Variants in AOX1 observed in about 807,000 individuals in gnomAD.
AOX1 encodes aldehyde oxidase 1, also known as aldehyde oxidase.
In AOX1, 153 loss-of-function variants were observed where a neutral mutation model predicts 169.5. The ratio of observed to expected loss-of-function variants is 0.90; its 90% CI spans 0.79 to 1.03. The LOEUF is 1.03. Ranked by LOEUF, AOX1 falls within the 50% of genes least tolerant of loss-of-function variation. AOX1 has a pLI of 0.00. For missense variants in AOX1, 1,656 were observed against 1,663.9 expected (o/e 1.00, Z 0.08); for synonymous variants, 562 against 581.9 (o/e 0.97, Z 0.49).
At chr2:200,605,688 C>A in intron 10 of AOX1, 60 bp downstream of exon 10, 1 of 750,508 alleles carries the variant, frequency 1.3e-6, no homozygotes, top group Non-Finnish European at 2.1e-6. Context: ...ATTTACCTTG[C>A]CCAGCAGACA....
chr2:200,638,227 A>T lies in AOX1; in HGVS notation c.2493A>T (p.Ala831=). The change falls in exon 23 of 35, where the codon GCA becomes GCT. Residue 831 remains alanine, a synonymous_variant. Coordinates refer to ENST00000374700, the MANE Select transcript of AOX1 (RefSeq NM_001159.4). ...TAFAANKHGR[A]VRCVLERGED... ...TTTTCTGTTTTAGACATGGCCGTGC[A>T]GTTCGCTGTGTTCTGGAACGAGGAG... is the stretch of plus-strand genomic sequence containing the variant. 1 of 1,613,626 alleles carries T rather than the reference A, an allele frequency of 6.2e-7. No individual in the cohort carries two copies. The highest frequency in any genetic ancestry group is 8.5e-7 in the Non-Finnish European group (1 of 1,179,632).
intron 16 of AOX1, among the ~76,000 whole-genome samples, chr2:200,616,888 G>T (rs2034768694): frequency 6.6e-6 from 1 of 152,190 alleles, no homozygotes; most frequent in Admixed American, 6.5e-5. Context: ...AATGAACATT[G>T]ACGTTGGTGT....
intron 20 of AOX1, among the ~76,000 whole-genome samples, chr2:200,630,677 G>A (rs983248273): frequency 3.3e-5 from 5 of 152,136 alleles, no homozygotes; most frequent in African/African-American, 1.2e-4. Context: ...TCATCCTCTT[G>A]ACTCACAAGT....
At chr2:200,637,818 C>G (rs1382902167) in intron 22 of AOX1, among the ~76,000 whole-genome samples, 7 of 152,094 alleles carry the variant, frequency 4.6e-5, no homozygotes, top group African/African-American at 1.2e-4. Flanking sequence ...TCCCAGGAAG[C>G]AAAAATACCT....
intron 21 of AOX1, 52 bp from the exon 22 acceptor site, chr2:200,636,855 CAATT>C (rs1234729962): frequency 6.4e-6 from 10 of 1,574,418 alleles, no homozygotes; most frequent in Non-Finnish European, 8.6e-6. Context: ...ATGACAGTCA[CAATT>C]AAGTCCTTGC....
intron 32 of AOX1, among the ~76,000 whole-genome samples, chr2:200,667,970 CAAAAG>C (rs1371671417): frequency 6.6e-6 from 1 of 152,112 alleles, no homozygotes; most frequent in Non-Finnish European, 1.5e-5. Flanking sequence ...GGGCAAAAAA[CAAAAG>C]AAGAGGGTGC....
At chr2:200,588,582 T>C (rs1022943566) in intron 1 of AOX1, among the ~76,000 whole-genome samples, 5 of 152,108 alleles carry the variant, frequency 3.3e-5, no homozygotes, top group Non-Finnish European at 5.9e-5. Context: ...TCTGGAGATA[T>C]TGATTCTGTT....
intron 19 of AOX1, among the ~76,000 whole-genome samples, chr2:200,626,203 C>T (rs1171124723): frequency 6.6e-6 from 1 of 152,204 alleles, no homozygotes; most frequent in Non-Finnish European, 1.5e-5. Context: ...CCCAAGGTTA[C>T]ATAGCTAGTC....
At chr2:200,614,586 A>T (rs1447339353) in intron 15 of AOX1, among the ~76,000 whole-genome samples, 1 of 152,208 alleles carries the variant, frequency 6.6e-6, no homozygotes, top group East Asian at 1.9e-4. Flanking sequence ...ACTAAAAAAA[A>T]TTCTCTGAAT....
intron 1 of AOX1, among the ~76,000 whole-genome samples, chr2:200,586,654 A>C (rs1219223884): frequency 6.6e-6 from 1 of 151,894 alleles, no homozygotes; most frequent in African/African-American, 2.4e-5. Flanking sequence ...CATTCAAACC[A>C]CCCCCATCGT....
At chr2:200,659,894 C>G (rs941300755) in intron 28 of AOX1, 101 bp from the exon 29 acceptor site, 2 of 898,984 alleles carry the variant, frequency 2.2e-6, no homozygotes, top group Admixed American at 2.4e-5. Flanking sequence ...TTTCCATGTT[C>G]CCTCTTAGAT....
chr2:200,681,152 T>C (rs924447666), downstream of AOX1, among the ~76,000 whole-genome samples: 1 of 152,174 alleles, frequency 6.6e-6, no homozygotes, highest in Non-Finnish European at 1.5e-5. Flanking sequence ...AGGCTGACAT[T>C]GAGGACTTCC....
chr2:200,670,942 T>G lies in AOX1; in HGVS notation c.*263T>G. Reference sequence around the variant, plus strand: ...TGATATCCGTCATTACTCTGTCTCTTCAATCCATCCAGCTAAATGGAATAG... The same window carrying G: ...TGATATCCGTCATTACTCTGTCTCTGCAATCCATCCAGCTAAATGGAATAG... On this transcript the variant is annotated 3_prime_UTR_variant, in exon 35 of 35. Transcript: ENST00000374700. 2.6e-6 allele frequency: 1 copy of G among 384,630 alleles called. No homozygotes were observed. Among genetic ancestry groups the G allele is most frequent in the East Asian group, 3.9e-5 (1 of 25,848 alleles). 23.8% of individuals were successfully genotyped at this position (384,630 alleles called of 1,614,324 possible). A position where few individuals can be genotyped will look rare whatever the true frequency, so the allele number is the denominator to read the frequency against.
Position 200,604,701 on chromosome 2 carries a change from G to A in AOX1, c.675G>A (p.Met225Ile), listed in dbSNP as rs773831450. ...CCCTATTGCTTTTTCAATAGATAAT[G>A]GCTGAGAAACAGTCGCAAAGGACCA... ...ELIFPPELMI[M>I]AEKQSQRTRV... is the part of the protein sequence containing the mutation. Residue 225 changes from methionine to isoleucine, a missense_variant, in exon 9 of 35, where the codon ATG becomes ATA. By Grantham distance (10) the Met-to-Ile change is conservative (BLOSUM62 1). Coordinates refer to ENST00000374700, the MANE Select transcript of AOX1 (RefSeq NM_001159.4). 1.2e-6 allele frequency: 2 copies of A among 1,614,054 alleles called. No homozygotes were observed. The highest frequency in any genetic ancestry group is 2.2e-5 in the South Asian group (2 of 91,072).
In AOX1 at chr2:200,669,705, A is replaced by G. The variant is rs1346489469; in HGVS notation, c.3929A>G (p.Lys1310Arg). 1 of 1,613,976 alleles carries G rather than the reference A, an allele frequency of 6.2e-7. No homozygotes were observed. Among genetic ancestry groups the G allele is most frequent in the Non-Finnish European group, 8.5e-7 (1 of 1,179,978 alleles). ...LTLNSPLTPE[K>R]IRMACEDKFT... ...CTTAATAGTCCACTGACCCCGGAGA[A>G]GATTAGGATGGCCTGTGAAGACAAG... The change falls in exon 34 of 35, where the codon AAG becomes AGG. Residue 1310 changes from lysine (K) to arginine (R), a missense_variant. Transcript: ENST00000374700.
intron 27 of AOX1, among the ~76,000 whole-genome samples, chr2:200,658,175 T>TAAATTGTTTGACACACATTATC (rs1190844119): frequency 1.3e-5 from 2 of 152,256 alleles, no homozygotes; most frequent in Admixed American, 6.5e-5. Flanking sequence ...GTGACCATTT[T>TAAATTGTTTGACACACATTATC]AAATTGTTTG....
rs1559237264 is a variant in AOX1 at position 200,611,471 on chromosome 2, T to G, written c.1241T>G (p.Val414Gly). The G allele has an allele frequency of 8.7e-6, 14 of 1,612,562 alleles. 1 individual carries two copies. The South Asian group carries it at 1.5e-4, about 18-fold the overall frequency. ...DLKPQEILVS[V>G]NIPYSRKWEF... ...AAGCCTCAAGAAATCTTGGTCTCAG[T>G]GAACATCCCCTACTCAAGGAAGGTG... The change falls in exon 13 of 35, where the codon GTG (valine) becomes GGG (glycine). Residue 414 changes from valine (V) to glycine (G), a missense_variant. By Grantham distance (109) the Val-to-Gly change is moderately radical. Transcript: ENST00000374700.
intron 10 of AOX1, among the ~76,000 whole-genome samples, chr2:200,607,152 A>G (rs10931908): frequency 0.59 from 89,315 of 151,986 alleles, 26,246 homozygotes; most frequent in East Asian, 0.74. Flanking sequence ...TTGAGATATG[A>G]TCCATCAATA....
Position 200,599,619 on chromosome 2 carries a change from G to GGA in AOX1, c.313_314dup (p.Ile106GlyfsTer18). ...CATTTCTAACCTTTCTGTGCTTCCA[G>GGA]GAGAGGATTGCCAAGTGTCATGGCA... is the stretch of plus-strand genomic sequence containing the variant. On this transcript the variant is annotated frameshift_variant and splice_region_variant. Transcript: ENST00000374700. LOFTEE classifies it high-confidence loss of function. 1 of 1,608,452 alleles carries GGA rather than the reference G, an allele frequency of 6.2e-7. No individual in the cohort carries two copies.
Sources: gnomAD v4.1 joint callset for allele counts (sites outside exome capture counted in the v4.1 genomes callset) on GRCh38, gnomAD v4.1.1 for gene constraint, MANE v1.5 for transcripts, NCBI Gene and HGNC (gene_info 2026-07-23, HGNC 2026-07-21) for gene names.